The following DCAF6 variants were observed in gnomAD, a reference collection of about 807,000 sequenced individuals.
The protein encoded by DCAF6 is DDB1 and CUL4 associated factor 6, also known as DDB1- and CUL4-associated factor 6.
Under a neutral mutation model 125.1 loss-of-function variants are expected in DCAF6, and 54 were observed. The ratio of observed to expected loss-of-function variants is 0.43; its 90% CI spans 0.35 to 0.54. The LOEUF is 0.54. DCAF6 is among the 20% of genes least tolerant of loss of function. The pLI, the probability that DCAF6 is intolerant of heterozygous loss-of-function variation, is 0.01. For synonymous variants in DCAF6, 371 were observed against 390.4 expected (o/e 0.95, Z 0.58); for missense variants, 934 against 1,161.7 (o/e 0.80, Z 2.85).
At chr1:167,901,409 T>A in the DCAF6 span, among the ~76,000 whole-genome samples, 1 of 152,218 alleles carries the variant, frequency 6.6e-6, no homozygotes, top group Non-Finnish European at 1.5e-5. Context: ...GTGGTTCCTA[T>A]GCATTAACTA....
the DCAF6 span, among the ~76,000 whole-genome samples, chr1:167,891,187 C>T: frequency 2.0e-5 from 3 of 151,882 alleles, no homozygotes; most frequent in African/African-American, 7.3e-5. Flanking sequence ...GTCTTGAACT[C>T]CTGACCTGGT....
intron 21 of DCAF6, among the ~76,000 whole-genome samples, chr1:168,068,852 A>AT (rs1389461701): frequency 2.0e-5 from 3 of 152,154 alleles, no homozygotes; most frequent in South Asian, 2.1e-4. Context: ...CTTTTTGAAT[A>AT]TTTTTTTGTT....
At chr1:167,896,814 CAAGACTATTTGATTTGTAAAATTGA>C in the DCAF6 span, 1 of 702,486 alleles carries the variant, frequency 1.4e-6, no homozygotes, top group African/African-American at 1.8e-5. Context: ...ACTTAAACAC[CAAGACTATTTGATTTGTAAAATTGA>C]AATTTTAAAT....
At chr1:167,936,614 C>T (rs1480354476), upstream of DCAF6, 1 of 357,260 alleles carries the variant, frequency 2.8e-6, no homozygotes. Context: ...AGGGAGGAGT[C>T]GCCATCGCCT....
At chr1:167,998,082 A>G (rs1472758094) in intron 7 of DCAF6, among the ~76,000 whole-genome samples, 1 of 152,176 alleles carries the variant, frequency 6.6e-6, no homozygotes, top group Non-Finnish European at 1.5e-5. Context: ...CCTCCCAGAT[A>G]TACAGGCTTC....
intron 10 of DCAF6, among the ~76,000 whole-genome samples, chr1:168,013,631 G>T (rs1451316564): frequency 6.6e-6 from 1 of 152,038 alleles, no homozygotes; most frequent in Non-Finnish European, 1.5e-5. Flanking sequence ...CATCATTCCT[G>T]TGGTTTTCCG....
Position 168,004,600 on chromosome 1 carries a change from T to C in DCAF6, c.1185T>C (p.Ser395=). Residue 395 remains serine, a synonymous_variant, in exon 10 of 22, where the codon AGT becomes AGC. Coordinates refer to ENST00000367840, the MANE Select transcript of DCAF6 (RefSeq NM_001198956.2). ...TVPSSPDLEV[S]ETAMEVDTPA... Reference sequence around the variant, plus strand: ...CATCAAGTCCTGATTTGGAAGTGAGTGAAACTGCAATGGAAGTAGATACTC... The same window carrying C: ...CATCAAGTCCTGATTTGGAAGTGAGCGAAACTGCAATGGAAGTAGATACTC... The C allele has an allele frequency of 6.2e-7, 1 of 1,612,248 alleles. No individual in the cohort carries two copies. The highest frequency in any genetic ancestry group is 8.5e-7 in the Non-Finnish European group (1 of 1,179,034).
At chr1:167,960,672 G>A (rs1261788816) in intron 2 of DCAF6, among the ~76,000 whole-genome samples, 4 of 152,126 alleles carry the variant, frequency 2.6e-5, no homozygotes, top group Non-Finnish European at 2.9e-5. Flanking sequence ...TAATTCCATT[G>A]TGGTCTAAGA....
chr1:167,995,321 CTT>C (rs1334550069), intron 7 of DCAF6, among the ~76,000 whole-genome samples: 1 of 151,996 alleles, frequency 6.6e-6, no homozygotes, highest in Non-Finnish European at 1.5e-5. Flanking sequence ...TTCTGGGAGA[CTT>C]TTCCTTGGTC....
the DCAF6 span, among the ~76,000 whole-genome samples, chr1:167,891,542 G>A: frequency 1.1e-4 from 17 of 151,768 alleles, no homozygotes; most frequent in Middle Eastern, 6.8e-3. Context: ...TGTAGTCCCA[G>A]CTACTCAGGA....
intron 12 of DCAF6, among the ~76,000 whole-genome samples, chr1:168,027,598 C>T (rs1686507288): frequency 6.6e-6 from 1 of 152,056 alleles, no homozygotes; most frequent in Non-Finnish European, 1.5e-5. Context: ...TATTTCTTCA[C>T]CATTTTCCAG....
intron 3 of DCAF6, among the ~76,000 whole-genome samples, chr1:167,970,480 T>G (rs1677138218): frequency 6.6e-6 from 1 of 152,202 alleles, no homozygotes; most frequent in Non-Finnish European, 1.5e-5. Context: ...AGTGAGACTC[T>G]GTCTCTACAA....
chr1:168,060,992 C>A (rs1239749783), intron 17 of DCAF6, among the ~76,000 whole-genome samples: 1 of 152,200 alleles, frequency 6.6e-6, no homozygotes, highest in Non-Finnish European at 1.5e-5. Flanking sequence ...ACTCTACTTT[C>A]TTAGCAAAAG....
At chr1:167,880,547 A>G in the DCAF6 span, 1 of 1,614,214 alleles carries the variant, frequency 6.2e-7, no homozygotes, top group South Asian at 1.1e-5. Context: ...ATTCCAGAGC[A>G]TGAGTGAGCT....
chr1:167,970,733 A>T (rs565771050), intron 3 of DCAF6, among the ~76,000 whole-genome samples: 1 of 152,260 alleles, frequency 6.6e-6, no homozygotes, highest in East Asian at 1.9e-4. Context: ...GTCAAATACT[A>T]CCTGTTTTTA....
chr1:167,997,262 T>C (rs1681858869), intron 7 of DCAF6, among the ~76,000 whole-genome samples: 1 of 152,236 alleles, frequency 6.6e-6, no homozygotes, highest in African/African-American at 2.4e-5. Flanking sequence ...TTTGGCTATG[T>C]AATATAAAAA....
the DCAF6 span, among the ~76,000 whole-genome samples, chr1:167,896,145 T>A: frequency 6.6e-6 from 1 of 152,116 alleles, no homozygotes; most frequent in Non-Finnish European, 1.5e-5. Flanking sequence ...AGAAGCTAGG[T>A]GTCAGCGGTG....
intron 3 of DCAF6, among the ~76,000 whole-genome samples, chr1:167,971,344 ATTTCTTT>A (rs1487194024): frequency 6.6e-6 from 1 of 152,102 alleles, no homozygotes; most frequent in South Asian, 2.1e-4. Flanking sequence ...GATAATGACA[ATTTCTTT>A]TTTCTTTTTG....
At chr1:167,880,444 C>T in the DCAF6 span, 4 of 1,409,416 alleles carry the variant, frequency 2.8e-6, no homozygotes, top group Non-Finnish European at 4.0e-6. Flanking sequence ...CTACTTATGC[C>T]TCAAAAGGGT....
Sources: allele counts gnomAD v4.1 joint callset (sites outside exome capture counted in the v4.1 genomes callset), GRCh38; gene constraint gnomAD v4.1.1; transcripts MANE v1.5; gene names NCBI Gene and HGNC (gene_info 2026-07-23, HGNC 2026-07-21).